Variants in PTH2R observed in about 807,000 individuals in gnomAD.
The protein encoded by PTH2R is parathyroid hormone 2 receptor.
A neutral mutation model predicts 60.3 loss-of-function variants in PTH2R; 59 were observed. The observed-to-expected ratio is 0.98, with a 90% CI of 0.79 to 1.22. The LOEUF (loss-of-function observed/expected upper bound fraction) is 1.22, where lower values mean the gene tolerates loss of function less well. Ranked by LOEUF, PTH2R falls within the 50% of genes most tolerant of loss-of-function variation. PTH2R has a pLI of 0.00. For missense variants in PTH2R, 749 were observed against 682.6 expected (o/e 1.10, Z -1.08); for synonymous variants, 256 against 243.8 (o/e 1.05, Z -0.47).
At chr2:208,359,851 C>A in exon 1 of PTH2R, 1 of 180,476 alleles carries the variant, frequency 5.5e-6, no homozygotes, top group Non-Finnish European at 1.2e-5. Flanking sequence ...CTGGATAGAG[C>A]GTACCCTGAG....
chr2:208,477,687 T>C (rs1703037837), intron 9 of PTH2R, among the ~76,000 whole-genome samples: 1 of 152,016 alleles, frequency 6.6e-6, no homozygotes, highest in Non-Finnish European at 1.5e-5. Context: ...AAAAAATTCA[T>C]TCTATGTGTT....
intron 8 of PTH2R, among the ~76,000 whole-genome samples, chr2:208,458,544 C>T (rs1276761061): frequency 6.6e-6 from 1 of 151,946 alleles, no homozygotes; most frequent in African/African-American, 2.4e-5. Flanking sequence ...ATTACATCAC[C>T]CAAGTATTAA....
At chr2:208,438,390 A>G (rs1702119537) in intron 4 of PTH2R, among the ~76,000 whole-genome samples, 1 of 152,184 alleles carries the variant, frequency 6.6e-6, no homozygotes, top group Non-Finnish European at 1.5e-5. Context: ...TAAATCTTCC[A>G]GCACAATATA....
intron 9 of PTH2R, among the ~76,000 whole-genome samples, chr2:208,480,858 CA>C (rs1482283227): frequency 1.3e-5 from 2 of 152,188 alleles, no homozygotes; most frequent in Non-Finnish European, 2.9e-5. Context: ...CTGGTATTTT[CA>C]GTGTTGTTGA....
At position 208,410,245 on chromosome 2, in the gene PTH2R, C is replaced by T. The variant is rs149542787; in HGVS notation, c.75+3127C>T. ...GTACTTGATTCTCTCATTTAATTATCACAGTAACTTTATGAGATGGGCACT... is the reference window on the plus strand; with the variant it reads ...GTACTTGATTCTCTCATTTAATTATTACAGTAACTTTATGAGATGGGCACT... On this transcript the variant is annotated intron_variant, in intron 1 of 12. Coordinates refer to ENST00000272847, the MANE Select transcript of PTH2R (RefSeq NM_005048.4). 3.5e-3 allele frequency among the ~76,000 whole-genome samples: 534 copies of T among 152,252 alleles called. 3 individuals are homozygous for T. Among genetic ancestry groups the T allele is most frequent in the African/African-American group, 0.012 (504 of 41,552 alleles).
At chr2:208,394,824 T>C (rs1007217040) in intron 1 of PTH2R, among the ~76,000 whole-genome samples, 1 of 152,170 alleles carries the variant, frequency 6.6e-6, no homozygotes, top group African/African-American at 2.4e-5. Flanking sequence ...GGAATTAAAT[T>C]ATTTAAGTAA....
At chr2:208,466,068 C>T (rs1053600688) in intron 9 of PTH2R, among the ~76,000 whole-genome samples, 33 of 152,078 alleles carry the variant, frequency 2.2e-4, no homozygotes, top group Admixed American at 1.2e-3. Context: ...ACTGCCAATA[C>T]GTGATTTCTA....
intron 1 of PTH2R, among the ~76,000 whole-genome samples, chr2:208,370,623 CA>C (rs2125869763): frequency 6.6e-6 from 1 of 152,046 alleles, no homozygotes; most frequent in East Asian, 1.9e-4. Flanking sequence ...GTTCTTCTTT[CA>C]TTTTGCAGAT....
At position 208,407,115 on chromosome 2, in the gene PTH2R, C is replaced by A. The variant is rs750943916; in HGVS notation, c.72C>A (p.Ala24=). 1.4e-6 allele frequency: 2 copies of A among 1,400,836 alleles called. No individual in the cohort carries two copies. The highest frequency in any genetic ancestry group is 1.9e-6 in the Non-Finnish European group (2 of 1,070,780). 86.8% of individuals were successfully genotyped at this position (1,400,836 alleles called of 1,614,324 possible). A position where few individuals can be genotyped will look rare whatever the true frequency, so the allele number is the denominator to read the frequency against. The change falls in exon 1 of 13, where the codon GCC becomes GCA. Residue 24 remains alanine (A), a synonymous_variant. Transcript: ENST00000272847. ...LMLGSCLLAR[A]QLDSDGTITI... Reference sequence around the variant, plus strand: ...TCGGCAGCTGCCTCCTGGCCAGAGCCCAGGTAAGAGCCAGTGCTCCGCGAC... The same window carrying A: ...TCGGCAGCTGCCTCCTGGCCAGAGCACAGGTAAGAGCCAGTGCTCCGCGAC...
At chr2:208,395,381 G>T (rs1305591150) in intron 1 of PTH2R, among the ~76,000 whole-genome samples, 1 of 151,970 alleles carries the variant, frequency 6.6e-6, no homozygotes, top group Admixed American at 6.6e-5. Flanking sequence ...GGAAGCTGCG[G>T]TATTGCTGTG....
At position 208,444,776 on chromosome 2, in the gene PTH2R, G is replaced by C; in HGVS notation, c.742G>C (p.Ala248Pro). 1.9e-6 allele frequency: 3 copies of C among 1,613,646 alleles called. No homozygotes were observed. Among genetic ancestry groups the C allele is most frequent in the Non-Finnish European group, 2.5e-6 (3 of 1,179,794 alleles). ...IAVVMFIYFL[A>P]TNYYWILVEG... ...TGTTGTGATGTTTATTTACTTCCTGGCTACAAATTATTATTGGATCCTGGT... is the reference window on the plus strand; with the variant it reads ...TGTTGTGATGTTTATTTACTTCCTGCCTACAAATTATTATTGGATCCTGGT... The change falls in exon 7 of 13, where the codon GCT (alanine) becomes CCT (proline). Residue 248 changes from alanine to proline, a missense_variant. Coordinates refer to ENST00000272847, the MANE Select transcript of PTH2R (RefSeq NM_005048.4).
intron 8 of PTH2R, among the ~76,000 whole-genome samples, chr2:208,457,587 G>A (rs114909968): frequency 0.012 from 1,816 of 152,318 alleles, 15 homozygotes; most frequent in Non-Finnish European, 0.018. Flanking sequence ...ATTTTTGTAT[G>A]ATAGAGGAAA....
At chr2:208,394,482 A>G (rs1409771150) in intron 1 of PTH2R, among the ~76,000 whole-genome samples, 1 of 152,178 alleles carries the variant, frequency 6.6e-6, no homozygotes, top group Non-Finnish European at 1.5e-5. Context: ...GGATCCTGGC[A>G]CCCATTTGAA....
rs557129991 is a variant in PTH2R, at chr2:208,494,497, T to C, written c.*838T>C. On this transcript the variant is annotated 3_prime_UTR_variant, in exon 13 of 13. Coordinates refer to ENST00000272847, the MANE Select transcript of PTH2R (RefSeq NM_005048.4). ...CATGTGGGATCAATTAAAAATTTGT[T>C]TTAAAAATACATTTTGGATCACTTT... 5 of 152,368 alleles carry C rather than the reference T, an allele frequency of 3.3e-5. No individual in the cohort carries two copies. The South Asian group carries it at 1.0e-3, about 32-fold the overall frequency. The allele number at this position is 152,368 out of a possible 1,614,324, so 9.4% of individuals were successfully genotyped here. A position where few individuals can be genotyped will look rare whatever the true frequency, so the allele number is the denominator to read the frequency against.
At chr2:208,438,325 A>G (rs1559220300) in intron 4 of PTH2R, among the ~76,000 whole-genome samples, 1 of 152,146 alleles carries the variant, frequency 6.6e-6, no homozygotes, top group South Asian at 2.1e-4. Flanking sequence ...AGATGATCTC[A>G]TTAGCGTATA....
intron 4 of PTH2R, among the ~76,000 whole-genome samples, chr2:208,440,126 G>A (rs1314236494): frequency 6.6e-6 from 1 of 152,156 alleles, no homozygotes; most frequent in Non-Finnish European, 1.5e-5. Flanking sequence ...ATGCTTCACA[G>A]AAATAGAATG....
At chr2:208,402,399 T>G (rs532083293), upstream of PTH2R, among the ~76,000 whole-genome samples, 1 of 152,236 alleles carries the variant, frequency 6.6e-6, no homozygotes, top group Non-Finnish European at 1.5e-5. Context: ...TTCCATTTTT[T>G]GTTGTTTTTA....
intron 1 of PTH2R, among the ~76,000 whole-genome samples, chr2:208,367,185 C>T (rs1393221296): frequency 6.6e-6 from 1 of 151,998 alleles, no homozygotes; most frequent in Non-Finnish European, 1.5e-5. Flanking sequence ...CCTCTGCCTC[C>T]TGGGTTCAAG....
At chr2:208,405,985 A>T (rs1033754175), upstream of PTH2R, among the ~76,000 whole-genome samples, 7 of 152,210 alleles carry the variant, frequency 4.6e-5, no homozygotes, top group African/African-American at 1.7e-4. Flanking sequence ...TCTGATGTTT[A>T]TAAGCCACCC....
Sources: gnomAD v4.1 joint callset for allele counts (sites outside exome capture counted in the v4.1 genomes callset) on GRCh38, gnomAD v4.1.1 for gene constraint, MANE v1.5 for transcripts, NCBI Gene and HGNC (gene_info 2026-07-23, HGNC 2026-07-21) for gene names.